The following SV2B variants were observed in gnomAD, a reference collection of about 807,000 sequenced individuals.
SV2B encodes the protein solute carrier family 22 member B2.
Under a neutral mutation model 73.9 loss-of-function variants are expected in SV2B, and 41 were observed. The observed-to-expected ratio is 0.56, with a 90% confidence interval of 0.43 to 0.72. The LOEUF is 0.72. SV2B is among the 30% of genes least tolerant of loss of function. The pLI, the probability that SV2B is intolerant of heterozygous loss-of-function variation, is 0.00. For missense variants in SV2B, 764 were observed against 857.8 expected (o/e 0.89, Z 1.37); for synonymous variants, 314 against 314.2 (o/e 1.00, Z 0.01).
chr15:91,213,429 C>T (rs1362040247), intron 1 of SV2B, among the ~76,000 whole-genome samples: 1 of 152,150 alleles, frequency 6.6e-6, no homozygotes, highest in Non-Finnish European at 1.5e-5. Flanking sequence ...GACTTAACCT[C>T]TCTGAGCCTT....
rs559247481 is a variant in SV2B at position 91,250,022 on chromosome 15, G to A, written c.452-1797G>A. On this transcript the variant is annotated intron_variant, in intron 2 of 12. Transcript: ENST00000394232. ...TTTACAAACTCATTTTACAAATCCA[G>A]CATTACTCTGATACCAAAGCCAGAG... Among the ~76,000 whole-genome samples, 14 of 152,296 alleles carry A rather than the reference G, an allele frequency of 9.2e-5. 1 individual carries two copies. The East Asian group carries it at 2.5e-3, about 27-fold the overall frequency.
At chr15:91,195,485 C>T (rs563013631) in intron 1 of SV2B, among the ~76,000 whole-genome samples, 4 of 152,260 alleles carry the variant, frequency 2.6e-5, no homozygotes, top group African/African-American at 4.8e-5. Flanking sequence ...CCCATAGCTA[C>T]GTAACTTATA....
chr15:91,249,341 G>A (rs2047388924), intron 2 of SV2B, among the ~76,000 whole-genome samples: 1 of 152,136 alleles, frequency 6.6e-6, no homozygotes, highest in African/African-American at 2.4e-5. Context: ...TTATATCCAA[G>A]GTTTGCTCTT....
chr15:91,208,061 G>A (rs1461809341), intron 1 of SV2B, among the ~76,000 whole-genome samples: 1 of 152,154 alleles, frequency 6.6e-6, no homozygotes, highest in Non-Finnish European at 1.5e-5. Context: ...TCCTACTTCT[G>A]CTGTTTTCTC....
chr15:91,177,572 C>T (rs1456353557), intron 1 of SV2B, among the ~76,000 whole-genome samples: 3 of 137,370 alleles, frequency 2.2e-5, no homozygotes, highest in Admixed American at 2.1e-4. Context: ...TTTCATTGAG[C>T]AGTGGTTTGT....
rs1478640653 is a variant in SV2B at position 91,224,719 on chromosome 15, GAT to G, written c.-391-1152_-391-1151del. 6.6e-5 allele frequency among the ~76,000 whole-genome samples: 10 copies of G among 152,132 alleles called. No homozygotes were observed. Among genetic ancestry groups the G allele is most frequent in the Non-Finnish European group, 1.5e-4 (10 of 68,028 alleles). On this transcript the variant is annotated intron_variant, in intron 1 of 12. Coordinates refer to ENST00000394232, the MANE Select transcript of SV2B (RefSeq NM_001323032.3). The surrounding 1 kb of genome is among the most constrained non-coding windows in gnomAD (Gnocchi z 4.9). ...ACAGTTTGATTATCTCTCAAATGAAGATACAGATGATTTTTTTTCTTTCTTTT... is the reference window on the plus strand; with the variant it reads ...ACAGTTTGATTATCTCTCAAATGAAGACAGATGATTTTTTTTCTTTCTTTT...
chr15:91,176,735 G>C (rs1425301530), intron 1 of SV2B, among the ~76,000 whole-genome samples: 1 of 151,668 alleles, frequency 6.6e-6, no homozygotes, highest in African/African-American at 2.4e-5. Flanking sequence ...TTTTGATGGG[G>C]TTGTTTGTTT....
rs1304996129 is a variant in SV2B, at chr15:91,299,860, G to A, written c.*7308G>A. ...GGGTTTCGCCATGTTGGCCAGGCTC[G>A]TCTCGAACTCCTGGCCTCAAGTGAT... On this transcript the variant is annotated 3_prime_UTR_variant, in exon 13 of 13. Coordinates refer to ENST00000394232, the MANE Select transcript of SV2B (RefSeq NM_001323032.3). 2 of 152,126 alleles carry A rather than the reference G, an allele frequency of 1.3e-5. No homozygotes were observed. Among genetic ancestry groups the A allele is most frequent in the South Asian group, 2.1e-4 (1 of 4,830 alleles). 9.4% of individuals were successfully genotyped at this position (152,126 alleles called of 1,614,324 possible).
chr15:91,198,272 C>T (rs2045325635), intron 1 of SV2B, among the ~76,000 whole-genome samples: 1 of 152,154 alleles, frequency 6.6e-6, no homozygotes, highest in African/African-American at 2.4e-5. Flanking sequence ...ATGTCAATCA[C>T]TTTCTCTTCA....
chr15:91,152,585 T>C (rs941407190), intron 1 of SV2B, among the ~76,000 whole-genome samples: 2 of 152,222 alleles, frequency 1.3e-5, no homozygotes, highest in Non-Finnish European at 2.9e-5. Flanking sequence ...ATTGCTTTCA[T>C]ATATTCAAAG....
rs753771380 is a variant in SV2B, at chr15:91,253,104, A to G, written c.784+584A>G. Among the ~76,000 whole-genome samples, 1 of 152,202 alleles carries G rather than the reference A, an allele frequency of 6.6e-6. No homozygotes were observed. Among genetic ancestry groups the G allele is most frequent in the South Asian group, 2.1e-4 (1 of 4,828 alleles). ...AGCCGGGACAATTTTATTTTCCTGGATAATTGTAAACACTATTCTCTGGAC... is the reference window on the plus strand; with the variant it reads ...AGCCGGGACAATTTTATTTTCCTGGGTAATTGTAAACACTATTCTCTGGAC... On this transcript the variant is annotated intron_variant, in intron 4 of 12. Transcript: ENST00000394232. This position sits in a 1 kb window ranked among gnomAD's most constrained non-coding sequence, Gnocchi z 5.0.
At position 91,141,346 on chromosome 15, in the gene SV2B, A is replaced by T. The variant is rs776799472; in HGVS notation, c.-392+40983A>T. ...CATCATCTAGGGTGTCTTGCAGAAC[A>T]GGGCCTTGCTCTTCTTCAGGAAGAC... On this transcript the variant is annotated intron_variant, in intron 1 of 12. Transcript: ENST00000394232. The surrounding 1 kb of genome is among the most constrained non-coding windows in gnomAD (Gnocchi z 4.6). Among the ~76,000 whole-genome samples, 6 of 152,334 alleles carry T rather than the reference A, an allele frequency of 3.9e-5. No homozygotes were observed. Among genetic ancestry groups the T allele is most frequent in the Middle Eastern group, 3.4e-3 (1 of 294 alleles).
At chr15:91,286,422 C>T (rs969517500) in intron 11 of SV2B, among the ~76,000 whole-genome samples, 1 of 152,084 alleles carries the variant, frequency 6.6e-6, no homozygotes, top group African/African-American at 2.4e-5. Context: ...AGGCTGCTAC[C>T]CACTCATTTA....
chr15:91,226,369 A>G lies in SV2B; in HGVS notation c.106A>G (p.Thr36Ala). The G allele has an allele frequency of 1.9e-6, 3 of 1,614,156 alleles. No individual in the cohort carries two copies. The highest frequency in any genetic ancestry group is 1.7e-6 in the Non-Finnish European group (2 of 1,180,022). The stretch of plus-strand genomic sequence containing the variant: ...AGAAGAAGATGCACAGAGTGATGTC[A>G]CCGAAGGCCATGATGAGGAAGACGA... Reference protein sequence around the residue: ...NPEEDAQSDVTEGHDEEDEIY... With the variant: ...NPEEDAQSDVAEGHDEEDEIY... The change falls in exon 2 of 13, where the codon ACC becomes GCC. Residue 36 changes from threonine (T) to alanine (A), a missense_variant. Physicochemically the swap from Thr to Ala is moderately conservative, Grantham distance 58. Coordinates refer to ENST00000394232, the MANE Select transcript of SV2B (RefSeq NM_001323032.3).
At chr15:91,243,095 G>T (rs768286175) in intron 2 of SV2B, among the ~76,000 whole-genome samples, 2 of 152,172 alleles carry the variant, frequency 1.3e-5, no homozygotes, top group Non-Finnish European at 2.9e-5. Context: ...CCTCTTATGA[G>T]ACCCCTGGAC....
rs2043447851 is a variant in SV2B at position 91,155,236 on chromosome 15, AG to A, written c.-392+54877del. On this transcript the variant is annotated intron_variant, in intron 1 of 12. Transcript: ENST00000394232. The stretch of plus-strand genomic sequence containing the variant: ...GGTTAAGGTAGGAGGAGTAACCTGC[AG>A]GGGAGGAAGAAGGTGTAAGGAATGG... Among the ~76,000 whole-genome samples the A allele has an allele frequency of 7.2e-5, 11 of 152,254 alleles. No homozygotes were observed. In the South Asian group the frequency reaches 2.3e-3, roughly 32 times the overall value.
chr15:91,266,887 C>G (rs1458109396), intron 7 of SV2B, 195 bp downstream of exon 7: 1 of 440,168 alleles, frequency 2.3e-6, no homozygotes, highest in African/African-American at 2.0e-5. Flanking sequence ...GAGCTGAAAA[C>G]TCTCTAAATC....
intron 1 of SV2B, among the ~76,000 whole-genome samples, chr15:91,148,946 C>G (rs1263254957): frequency 6.6e-6 from 1 of 152,202 alleles, no homozygotes; most frequent in Non-Finnish European, 1.5e-5. Flanking sequence ...TAATCTCATC[C>G]AGAAACACCA....
At position 91,289,240 on chromosome 15, in the gene SV2B, G is replaced by T. The variant is rs561442709; in HGVS notation, c.1709-281G>T. Among the ~76,000 whole-genome samples, 3 of 152,116 alleles carry T rather than the reference G, an allele frequency of 2.0e-5. No individual in the cohort carries two copies. The highest frequency in any genetic ancestry group is 7.2e-5 in the African/African-American group (3 of 41,422). On this transcript the variant is annotated intron_variant, in intron 11 of 12. Coordinates refer to ENST00000394232, the MANE Select transcript of SV2B (RefSeq NM_001323032.3). This position sits in a 1 kb window ranked among gnomAD's most constrained non-coding sequence, Gnocchi z 4.9. ...CTCAACAAATGCCCCTATCTGCCCCGTCCCGTCACTCTGAGCTGGGCACCA... is the reference window on the plus strand; with the variant it reads ...CTCAACAAATGCCCCTATCTGCCCCTTCCCGTCACTCTGAGCTGGGCACCA...
Sources: allele counts gnomAD v4.1 joint callset (sites outside exome capture counted in the v4.1 genomes callset), GRCh38; gene constraint gnomAD v4.1.1; non-coding constraint Gnocchi (gnomAD v3.1); transcripts MANE v1.5; gene names NCBI Gene and HGNC (gene_info 2026-07-23, HGNC 2026-07-21).